Variants in OCA2 observed in about 807,000 individuals in gnomAD.
OCA2 encodes P protein.
OCA2 carries 77 observed loss-of-function variants against 100.2 expected under a neutral mutation model. That is an observed-to-expected ratio of 0.77 (90% CI 0.64 to 0.93). The LOEUF is 0.93. Ranked by LOEUF, OCA2 falls within the 40% of genes least tolerant of loss-of-function variation. The probability of loss-of-function intolerance (pLI) is 0.00; values close to 1 mark genes in which losing one functional copy is unlikely to be tolerated. For missense variants in OCA2, 1,062 were observed against 1,089.1 expected (o/e 0.98, Z 0.35); for synonymous variants, 432 against 439.2 (o/e 0.98, Z 0.21).
chr15:27,924,833 T>TG (rs2038988595), intron 19 of OCA2, among the ~76,000 whole-genome samples: 2 of 152,092 alleles, frequency 1.3e-5, no homozygotes, highest in Non-Finnish European at 2.9e-5. Flanking sequence ...AAGTATTAAA[T>TG]GGGGGTGGAT....
intron 23 of OCA2, among the ~76,000 whole-genome samples, chr15:27,821,641 A>C (rs569046232): frequency 8.9e-6 from 1 of 112,506 alleles, no homozygotes; most frequent in Non-Finnish European, 2.0e-5. Context: ...CTTGCACACA[A>C]GTGTGCACAC....
intron 22 of OCA2, among the ~76,000 whole-genome samples, chr15:27,846,317 G>A (rs998306035): frequency 5.9e-5 from 9 of 151,978 alleles, no homozygotes; most frequent in African/African-American, 1.4e-4. Context: ...CTCACTGTCC[G>A]ACAAGTCTCT....
chr15:27,747,515 C>A, the OCA2 span, among the ~76,000 whole-genome samples: 1 of 152,102 alleles, frequency 6.6e-6, no homozygotes, highest in African/African-American at 2.4e-5. Context: ...GTGACAAAGG[C>A]CATGAAGTGG....
chr15:28,067,050 T>G (rs11852973), intron 2 of OCA2, among the ~76,000 whole-genome samples: 2,845 of 152,308 alleles, frequency 0.019, 94 homozygotes, highest in African/African-American at 0.065. Flanking sequence ...CTCCGTAAAA[T>G]GTATAAAATC....
intron 5 of OCA2, among the ~76,000 whole-genome samples, chr15:28,023,163 C>T (rs927680951): frequency 6.6e-6 from 1 of 152,182 alleles, no homozygotes; most frequent in East Asian, 1.9e-4. Context: ...ACCTGCCAGG[C>T]CCTGCTGAGC....
At chr15:28,010,553 T>C (rs1186782782) in intron 9 of OCA2, among the ~76,000 whole-genome samples, 1 of 152,200 alleles carries the variant, frequency 6.6e-6, no homozygotes, top group Non-Finnish European at 1.5e-5. Context: ...AATGTATTTA[T>C]ATGTACTGAC....
chr15:27,817,418 A>G (rs1416917580), intron 23 of OCA2, among the ~76,000 whole-genome samples: 1 of 152,168 alleles, frequency 6.6e-6, no homozygotes, highest in East Asian at 1.9e-4. Flanking sequence ...TAACAACTTG[A>G]ACATTATGAA....
At chr15:27,863,088 C>T (rs1256021015) in intron 21 of OCA2, among the ~76,000 whole-genome samples, 1 of 152,046 alleles carries the variant, frequency 6.6e-6, no homozygotes, top group South Asian at 2.1e-4. Context: ...CAGGGCTGAC[C>T]TGACAGGTCA....
At chr15:27,951,155 G>C (rs1403389950) in intron 18 of OCA2, among the ~76,000 whole-genome samples, 1 of 152,194 alleles carries the variant, frequency 6.6e-6, no homozygotes, top group African/African-American at 2.4e-5. Flanking sequence ...GCTCTGTGGT[G>C]AGCTCCCCCT....
intron 19 of OCA2, among the ~76,000 whole-genome samples, chr15:27,917,199 GATAATA>G (rs112448919): frequency 1.3e-5 from 2 of 152,038 alleles, no homozygotes; most frequent in South Asian, 2.1e-4. Context: ...TACTAAAAAT[GATAATA>G]ATAATAATAG....
intron 10 of OCA2, 152 bp downstream of exon 10, chr15:27,990,424 G>C: frequency 1.3e-6 from 1 of 772,532 alleles, no homozygotes; most frequent in Non-Finnish European, 2.3e-6. Context: ...GCTGTAGCTT[G>C]TTAGTTCATA....
intron 1 of OCA2, among the ~76,000 whole-genome samples, chr15:28,088,879 T>C (rs2141951834): frequency 6.6e-6 from 1 of 152,160 alleles, no homozygotes; most frequent in Admixed American, 6.6e-5. Context: ...GGAGACAGGG[T>C]TTGAGAGCAG....
chr15:27,921,117 T>A (rs566387074), intron 19 of OCA2, among the ~76,000 whole-genome samples: 3 of 152,018 alleles, frequency 2.0e-5, no homozygotes, highest in African/African-American at 7.2e-5. Flanking sequence ...TCAAAAAACA[T>A]ACACGTAAGT....
intron 6 of OCA2, 83 bp downstream of exon 6, chr15:28,022,418 G>T: frequency 1.0e-6 from 1 of 995,958 alleles, no homozygotes; most frequent in East Asian, 2.4e-5. Flanking sequence ...GCCTTCAGCA[G>T]CAGTCACAAC....
At chr15:28,045,400 C>T (rs41311250) in intron 2 of OCA2, among the ~76,000 whole-genome samples, 4 of 152,180 alleles carry the variant, frequency 2.6e-5, no homozygotes, top group Admixed American at 6.5e-5. Flanking sequence ...TCTCCTCAGC[C>T]TTTGTATCAC....
chr15:27,892,084 G>C (rs1411109281), intron 19 of OCA2, among the ~76,000 whole-genome samples: 1 of 152,106 alleles, frequency 6.6e-6, no homozygotes, highest in African/African-American at 2.4e-5. Context: ...AAAACTGCTA[G>C]AGCTGAAAGA....
chr15:27,736,876 G>A, the OCA2 span, among the ~76,000 whole-genome samples: 3 of 152,092 alleles, frequency 2.0e-5, no homozygotes, highest in African/African-American at 7.2e-5. Flanking sequence ...TGGGATAAGA[G>A]AATAGACTGG....
chr15:28,015,715 G>A (rs2042369775), intron 8 of OCA2, among the ~76,000 whole-genome samples: 1 of 152,186 alleles, frequency 6.6e-6, no homozygotes, highest in African/African-American at 2.4e-5. Context: ...CCAGTGTGTA[G>A]TACTATGATA....
chr15:27,896,273 A>G (rs1404411676), intron 19 of OCA2: 1 of 1,114,216 alleles, frequency 9.0e-7, no homozygotes, highest in East Asian at 2.4e-5. Context: ...ATGCAGAAGT[A>G]CACCGGAAGC....
Sources: allele counts gnomAD v4.1 joint callset (sites outside exome capture counted in the v4.1 genomes callset), GRCh38; gene constraint gnomAD v4.1.1; transcripts MANE v1.5; gene names NCBI Gene and HGNC (gene_info 2026-07-23, HGNC 2026-07-21).